Variants in PLCL2 observed in about 807,000 individuals in gnomAD.
PLCL2 encodes phospholipase C like 2.
In PLCL2, 4 loss-of-function variants were observed where a neutral mutation model predicts 79.6. That is an observed-to-expected ratio of 0.05 (90% confidence interval 0.02 to 0.11). The LOEUF (loss-of-function observed/expected upper bound fraction) is 0.11. PLCL2 is among the 10% of genes least tolerant of loss of function. The pLI, the probability that PLCL2 is intolerant of heterozygous loss-of-function variation, is 1.00. For missense variants in PLCL2, 895 were observed against 1,291.0 expected (o/e 0.69, Z 4.70); for synonymous variants, 484 against 457.7 (o/e 1.06, Z -0.73).
intron 5 of PLCL2, among the ~76,000 whole-genome samples, chr3:17,079,632 C>A (rs2065142377): frequency 6.6e-6 from 1 of 152,242 alleles, no homozygotes; most frequent in Non-Finnish European, 1.5e-5. Flanking sequence ...AATTCAGACA[C>A]CGCCTCCTCC....
chr3:16,960,128 A>G (rs1267831465), intron 1 of PLCL2, among the ~76,000 whole-genome samples: 1 of 152,148 alleles, frequency 6.6e-6, no homozygotes. Context: ...CATCTTCTCC[A>G]TAAAACTAGT....
At chr3:16,903,555 A>G (rs1486696172) in intron 1 of PLCL2, among the ~76,000 whole-genome samples, 1 of 152,198 alleles carries the variant, frequency 6.6e-6, no homozygotes, top group Admixed American at 6.5e-5. Flanking sequence ...ATGATAAGGC[A>G]CAAAAGCCCC....
chr3:17,072,708 A>T (rs1206895521), intron 5 of PLCL2, among the ~76,000 whole-genome samples: 1 of 151,888 alleles, frequency 6.6e-6, no homozygotes, highest in Non-Finnish European at 1.5e-5. Context: ...GCATTCTCTA[A>T]TATTACTAGA....
chr3:16,916,793 G>T (rs1312357418), intron 1 of PLCL2, among the ~76,000 whole-genome samples: 1 of 152,112 alleles, frequency 6.6e-6, no homozygotes, highest in East Asian at 1.9e-4. Flanking sequence ...GATAAAGATA[G>T]TTAAAATCCT....
intron 1 of PLCL2, among the ~76,000 whole-genome samples, chr3:16,929,962 G>A (rs1697354236): frequency 6.6e-6 from 1 of 152,154 alleles, no homozygotes; most frequent in Non-Finnish European, 1.5e-5. Context: ...AGAGAGTCTT[G>A]GGAAGACAGA....
At chr3:17,085,451 G>T (rs1289941346) in intron 5 of PLCL2, among the ~76,000 whole-genome samples, 1 of 144,278 alleles carries the variant, frequency 6.9e-6, no homozygotes, top group East Asian at 2.1e-4. Context: ...TTTTTTTAAG[G>T]CGGAGTCTCA....
At chr3:16,894,736 A>G (rs549686407) in intron 1 of PLCL2, among the ~76,000 whole-genome samples, 190 of 152,014 alleles carry the variant, frequency 1.2e-3, no homozygotes, top group Non-Finnish European at 2.0e-3. Flanking sequence ...TTTCTTGGCC[A>G]TTTGGATATT....
At chr3:16,901,751 G>C (rs1330153601) in intron 1 of PLCL2, among the ~76,000 whole-genome samples, 2 of 152,158 alleles carry the variant, frequency 1.3e-5, no homozygotes, top group Admixed American at 6.5e-5. Context: ...GGTAGCAGTA[G>C]CCTCTCTCTA....
intron 1 of PLCL2, among the ~76,000 whole-genome samples, chr3:16,896,551 A>G (rs1398071325): frequency 6.6e-6 from 1 of 152,238 alleles, no homozygotes; most frequent in South Asian, 2.1e-4. Flanking sequence ...GCTGCTCATA[A>G]TAAAACTTTG....
At chr3:17,000,359 A>G (rs896394703) in intron 1 of PLCL2, among the ~76,000 whole-genome samples, 1 of 152,112 alleles carries the variant, frequency 6.6e-6, no homozygotes, top group African/African-American at 2.4e-5. Context: ...AGTACATGTG[A>G]TATTTTGATA....
intron 5 of PLCL2, among the ~76,000 whole-genome samples, chr3:17,078,020 A>G (rs1239761202): frequency 1.8e-4 from 28 of 152,004 alleles, no homozygotes; most frequent in Non-Finnish European, 2.9e-5. Context: ...GTTCTTTACC[A>G]TATCCTCTAA....
In PLCL2 at chr3:17,010,427, A is replaced by G. The variant is rs763479680; in HGVS notation, c.1081A>G (p.Lys361Glu). Reference protein sequence around the residue: ...FSSNKEFLDTKDLMMFLEAEQ... With the variant: ...FSSNKEFLDTEDLMMFLEAEQ... ...AAGCAATAAAGAATTCCTTGATACCAAGGACCTTATGATGTTTCTTGAGGC... is the reference window on the plus strand; with the variant it reads ...AAGCAATAAAGAATTCCTTGATACCGAGGACCTTATGATGTTTCTTGAGGC... The change falls in exon 2 of 6, where the codon AAG (lysine) becomes GAG (glutamate). Residue 361 changes from lysine (K) to glutamate (E), a missense_variant. Lys to Glu is a moderately conservative substitution (Grantham distance 56). This residue lies in a region of PLCL2 where 93 missense variants were observed against 93.2 expected (regional missense o/e 1.00). Coordinates refer to ENST00000615277, the MANE Select transcript of PLCL2 (RefSeq NM_001144382.2). This position sits in a 1 kb window ranked among gnomAD's most constrained non-coding sequence, Gnocchi z 5.8. 1 of 1,613,980 alleles carries G rather than the reference A, an allele frequency of 6.2e-7. No homozygotes were observed. Among genetic ancestry groups the G allele is most frequent in the South Asian group, 1.1e-5 (1 of 91,078 alleles).
chr3:17,011,833 T>G lies in PLCL2; in HGVS notation c.2487T>G (p.Phe829Leu), dbSNP rs183900333. 1.5e-5 allele frequency: 25 copies of G among 1,614,246 alleles called. No homozygotes were observed. The East Asian group carries it at 5.6e-4, about 36-fold the overall frequency. Residue 829 changes from phenylalanine (F) to leucine (L), a missense_variant, in exon 2 of 6, where the codon TTT (phenylalanine) becomes TTG (leucine). By Grantham distance (22) the Phe-to-Leu change is conservative. Around this residue, in one of 6 missense-constraint regions of PLCL2, gnomAD observed 298 missense variants for 459.6 expected, o/e 0.65. Transcript: ENST00000615277. This position sits in a 1 kb window ranked among gnomAD's most constrained non-coding sequence, Gnocchi z 7.9. ...INLPELAMVR[F>L]VVLDDDYIGD... ...TGCCTGAACTGGCCATGGTGCGCTT[T>G]GTAGTGCTGGATGATGACTACATTG...
chr3:16,965,139 T>C (rs1310530823), intron 1 of PLCL2, among the ~76,000 whole-genome samples: 2 of 152,230 alleles, frequency 1.3e-5, no homozygotes, highest in Admixed American at 1.3e-4. Flanking sequence ...TCTTCTAGGA[T>C]TTTTATGATT....
chr3:17,051,839 C>A (rs2064842546), intron 4 of PLCL2, among the ~76,000 whole-genome samples: 2 of 152,222 alleles, frequency 1.3e-5, no homozygotes, highest in South Asian at 4.2e-4. Context: ...AAGGGAATGC[C>A]TTTTAATTTT....
At position 16,887,424 on chromosome 3, in the gene PLCL2, A is replaced by G. The variant is rs1696251057; in HGVS notation, c.327+2058A>G. Among the ~76,000 whole-genome samples, 1 of 152,150 alleles carries G rather than the reference A, an allele frequency of 6.6e-6. No homozygotes were observed. The highest frequency in any genetic ancestry group is 2.4e-5 in the African/African-American group (1 of 41,448). The stretch of plus-strand genomic sequence containing the variant: ...TTGGTTTTGGATTTACCAGTCCCAT[A>G]TTTTGTTCATTGTATTGTACCTCCA... On this transcript the variant is annotated intron_variant, in intron 1 of 5. Transcript: ENST00000615277. This position sits in a 1 kb window ranked among gnomAD's most constrained non-coding sequence, Gnocchi z 4.1.
At chr3:16,941,881 G>C (rs1031443772) in intron 1 of PLCL2, among the ~76,000 whole-genome samples, 5 of 151,652 alleles carry the variant, frequency 3.3e-5, no homozygotes, top group Non-Finnish European at 5.9e-5. Context: ...AAAAAAAAAG[G>C]CTTGGAAAAC....
intron 3 of PLCL2, among the ~76,000 whole-genome samples, chr3:17,029,772 G>A (rs2064561617): frequency 6.6e-6 from 1 of 152,092 alleles, no homozygotes; most frequent in Non-Finnish European, 1.5e-5. Context: ...ACATCTCCCA[G>A]GGAAGAAAGC....
At chr3:16,932,628 A>T (rs1199095241) in intron 1 of PLCL2, among the ~76,000 whole-genome samples, 1 of 152,124 alleles carries the variant, frequency 6.6e-6, no homozygotes, top group Non-Finnish European at 1.5e-5. Flanking sequence ...CTTTTTGGAG[A>T]GGTCCTTCTC....
Sources: allele counts gnomAD v4.1 joint callset (sites outside exome capture counted in the v4.1 genomes callset), GRCh38; gene constraint gnomAD v4.1.1; regional missense constraint gnomAD v4.1.1; non-coding constraint Gnocchi (gnomAD v3.1); transcripts MANE v1.5; gene names NCBI Gene and HGNC (gene_info 2026-07-23, HGNC 2026-07-21).